The following ZMIZ1 variants were observed in gnomAD, a reference collection of about 807,000 sequenced individuals.
ZMIZ1 encodes the protein zinc finger MIZ-type containing 1.
A neutral mutation model predicts 113.9 loss-of-function variants in ZMIZ1; 17 were observed. The ratio of observed to expected loss-of-function variants is 0.15; its 90% CI spans 0.10 to 0.22. The LOEUF (loss-of-function observed/expected upper bound fraction) is 0.22. Among genes scored for constraint, ZMIZ1 ranks in the 10% least tolerant of loss-of-function variants. The pLI is 1.00. For synonymous variants in ZMIZ1, 607 were observed against 603.1 expected, an observed-to-expected ratio of 1.01 and a Z score of -0.09; for missense variants, 1,059 against 1,477.8, an observed-to-expected ratio of 0.72 and a Z score of 4.65.
intron 8 of ZMIZ1, among the ~76,000 whole-genome samples, chr10:79,288,081 G>A (rs968199935): frequency 6.6e-6 from 1 of 152,202 alleles, no homozygotes; most frequent in Non-Finnish European, 1.5e-5. Flanking sequence ...AGGGCAGAGG[G>A]TATCCAGGCA....
intron 5 of ZMIZ1, among the ~76,000 whole-genome samples, chr10:79,205,247 A>G (rs1400849589): frequency 1.3e-5 from 2 of 152,200 alleles, no homozygotes; most frequent in Admixed American, 6.5e-5. Flanking sequence ...CTATGATTCA[A>G]ACATGTGCTC....
At chr10:79,102,060 T>A (rs937611919) in intron 1 of ZMIZ1, among the ~76,000 whole-genome samples, 1 of 152,168 alleles carries the variant, frequency 6.6e-6, no homozygotes, top group Non-Finnish European at 1.5e-5. Context: ...TGGCTCCTGC[T>A]CTCAAGGAGG....
At chr10:79,145,620 G>A (rs1845447686) in intron 3 of ZMIZ1, among the ~76,000 whole-genome samples, 2 of 152,254 alleles carry the variant, frequency 1.3e-5, no homozygotes, top group Non-Finnish European at 2.9e-5. Flanking sequence ...TGGGGTGGGG[G>A]ATTGGTGAAG....
intron 5 of ZMIZ1, among the ~76,000 whole-genome samples, chr10:79,207,528 C>T (rs1848365832): frequency 6.6e-6 from 1 of 152,120 alleles, no homozygotes; most frequent in Non-Finnish European, 1.5e-5. Flanking sequence ...CCCCACCAGC[C>T]CTGCAGCCTG....
At chr10:79,092,034 G>A (rs1312884593) in intron 1 of ZMIZ1, among the ~76,000 whole-genome samples, 1 of 152,142 alleles carries the variant, frequency 6.6e-6, no homozygotes, top group Non-Finnish European at 1.5e-5. Context: ...TTAGGGGCTG[G>A]TGCTGTTCCC....
At chr10:79,138,658 C>G (rs973962358) in intron 2 of ZMIZ1, among the ~76,000 whole-genome samples, 3 of 152,176 alleles carry the variant, frequency 2.0e-5, no homozygotes, top group African/African-American at 4.8e-5. Context: ...GCCAGCCCGC[C>G]CCTCCTCCAT....
intron 1 of ZMIZ1, among the ~76,000 whole-genome samples, chr10:79,095,352 T>C (rs1245079050): frequency 1.3e-5 from 2 of 152,246 alleles, no homozygotes; most frequent in African/African-American, 4.8e-5. Flanking sequence ...CCTGATTTAA[T>C]TTCAATAGTA....
intron 4 of ZMIZ1, among the ~76,000 whole-genome samples, chr10:79,170,950 C>T (rs1846572502): frequency 6.6e-6 from 1 of 152,142 alleles, no homozygotes; most frequent in Non-Finnish European, 1.5e-5. Context: ...AAAGAGAGTG[C>T]CATCTCAGGA....
chr10:79,198,803 G>A lies in ZMIZ1; in HGVS notation c.-49-2781G>A, dbSNP rs567217323. Among the ~76,000 whole-genome samples the A allele has an allele frequency of 4.7e-4, 71 of 152,328 alleles. No individual in the cohort carries two copies. In the South Asian group the frequency reaches 4.8e-3, roughly 10 times the overall value. On this transcript the variant is annotated intron_variant, in intron 4 of 24. Coordinates refer to ENST00000334512, the MANE Select transcript of ZMIZ1 (RefSeq NM_020338.4). ...AATCCCAGCACTTTGGGGGGCCGAG[G>A]TGGGCAGATTGCCTGAGGTCGGGAG...
chr10:79,176,145 G>A (rs1294721748), intron 4 of ZMIZ1, among the ~76,000 whole-genome samples: 1 of 151,964 alleles, frequency 6.6e-6, no homozygotes, highest in South Asian at 2.1e-4. Context: ...TGTTCCGGAG[G>A]CCCAACGGGC....
intron 23 of ZMIZ1, among the ~76,000 whole-genome samples, chr10:79,310,023 C>A: frequency 6.6e-6 from 1 of 152,118 alleles, no homozygotes; most frequent in South Asian, 2.1e-4. Flanking sequence ...ACATCTCACC[C>A]ACCCACCCAC....
chr10:79,272,527 G>A (rs1358646947), intron 7 of ZMIZ1, among the ~76,000 whole-genome samples: 8 of 152,170 alleles, frequency 5.3e-5, no homozygotes, highest in Admixed American at 6.5e-5. Flanking sequence ...AGCTTTGCAC[G>A]TCATCTTAAG....
At chr10:79,153,511 C>G (rs1845785257) in intron 3 of ZMIZ1, among the ~76,000 whole-genome samples, 1 of 152,272 alleles carries the variant, frequency 6.6e-6, no homozygotes, top group Non-Finnish European at 1.5e-5. Flanking sequence ...GATCGGCAAA[C>G]CTGTCATCCC....
intron 10 of ZMIZ1, 34 bp from the exon 11 acceptor site, chr10:79,292,124 A>C: frequency 6.4e-7 from 1 of 1,572,138 alleles, no homozygotes; most frequent in Non-Finnish European, 8.7e-7. Flanking sequence ...AGATGCAGGC[A>C]GTACCTAACT....
At chr10:79,164,238 C>G (rs1391009110) in intron 4 of ZMIZ1, among the ~76,000 whole-genome samples, 1 of 152,240 alleles carries the variant, frequency 6.6e-6, no homozygotes, top group Non-Finnish European at 1.5e-5. Flanking sequence ...CCATTGGCTC[C>G]CTGTATGGCT....
chr10:79,123,462 C>G (rs1251992201), intron 2 of ZMIZ1, among the ~76,000 whole-genome samples: 2 of 152,188 alleles, frequency 1.3e-5, no homozygotes, highest in Non-Finnish European at 2.9e-5. Flanking sequence ...TGCTTTCTGG[C>G]ACTTTCTAGC....
chr10:79,253,897 GACACGC>G (rs1176541748), intron 7 of ZMIZ1, among the ~76,000 whole-genome samples: 2 of 152,020 alleles, frequency 1.3e-5, no homozygotes, highest in Non-Finnish European at 2.9e-5. Flanking sequence ...CACACATGCT[GACACGC>G]ACACTCACAC....
intron 4 of ZMIZ1, among the ~76,000 whole-genome samples, chr10:79,176,181 A>C (rs1446488220): frequency 2.0e-5 from 3 of 152,006 alleles, no homozygotes; most frequent in African/African-American, 7.2e-5. Context: ...GGGCCATTTC[A>C]ACTGCCTCTC....
At chr10:79,272,067 G>A (rs1055298722) in intron 7 of ZMIZ1, among the ~76,000 whole-genome samples, 2 of 152,098 alleles carry the variant, frequency 1.3e-5, no homozygotes, top group Non-Finnish European at 2.9e-5. Flanking sequence ...CCAGGAGTTC[G>A]AAACCAGCCT....
Sources: gnomAD v4.1 joint callset for allele counts (sites outside exome capture counted in the v4.1 genomes callset) on GRCh38, gnomAD v4.1.1 for gene constraint, MANE v1.5 for transcripts, NCBI Gene and HGNC (gene_info 2026-07-23, HGNC 2026-07-21) for gene names.